Variants in FNDC3B observed in about 807,000 individuals in gnomAD.
FNDC3B encodes fibronectin type III domain-containing protein 3B.
In FNDC3B, 12 loss-of-function variants were observed where a neutral mutation model predicts 151.5. The ratio of observed to expected loss-of-function variants is 0.08; its 90% CI spans 0.05 to 0.13. The LOEUF is 0.13. Among genes scored for constraint, FNDC3B ranks in the 10% least tolerant of loss-of-function variants. FNDC3B has a pLI of 1.00. For synonymous variants in FNDC3B, 528 were observed against 549.0 expected (o/e 0.96, Z 0.54); for missense variants, 1,214 against 1,505.3 (o/e 0.81, Z 3.20).
intron 3 of FNDC3B, among the ~76,000 whole-genome samples, chr3:172,176,529 T>C (rs1222106318): frequency 1.3e-5 from 2 of 152,194 alleles, no homozygotes; most frequent in Non-Finnish European, 2.9e-5. Flanking sequence ...CTGCTACAAC[T>C]GCAGATTTCA....
At chr3:172,218,127 C>T (rs1726090496) in intron 3 of FNDC3B, among the ~76,000 whole-genome samples, 1 of 100,550 alleles carries the variant, frequency 9.9e-6, no homozygotes, top group South Asian at 3.7e-4. Context: ...AGAAGATCGA[C>T]TTTCAGGAAA....
chr3:172,379,739 G>T (rs939370857), intron 24 of FNDC3B, among the ~76,000 whole-genome samples: 1 of 152,072 alleles, frequency 6.6e-6, no homozygotes, highest in Non-Finnish European at 1.5e-5. Flanking sequence ...AAGGAAGGGT[G>T]GCCACATTGA....
chr3:172,105,074 A>G (rs539057986), intron 1 of FNDC3B, among the ~76,000 whole-genome samples: 2 of 152,226 alleles, frequency 1.3e-5, no homozygotes, highest in East Asian at 3.9e-4. Flanking sequence ...CCAACTGACT[A>G]CCTTGCTTTG....
At chr3:172,239,530 A>G (rs1359547024) in intron 4 of FNDC3B, among the ~76,000 whole-genome samples, 1 of 152,054 alleles carries the variant, frequency 6.6e-6, no homozygotes, top group Non-Finnish European at 1.5e-5. Flanking sequence ...CACACTACGT[A>G]TGTTTGTGGG....
chr3:172,169,207 C>A (rs930924718), intron 3 of FNDC3B, among the ~76,000 whole-genome samples: 21 of 152,134 alleles, frequency 1.4e-4, no homozygotes, highest in African/African-American at 5.1e-4. Context: ...GCTTTGAACC[C>A]TTGGAGGATG....
intron 3 of FNDC3B, among the ~76,000 whole-genome samples, chr3:172,167,082 G>A (rs532818243): frequency 6.6e-6 from 1 of 152,048 alleles, no homozygotes; most frequent in Admixed American, 6.5e-5. Context: ...CTTAAATATT[G>A]CGTTGTTTGT....
chr3:172,347,804 G>T (rs1168787503), intron 21 of FNDC3B, among the ~76,000 whole-genome samples: 2 of 152,184 alleles, frequency 1.3e-5, no homozygotes, highest in African/African-American at 4.8e-5. Context: ...GGACTAGTCT[G>T]CATTAGATTA....
chr3:172,319,325 C>G (rs1421218296), intron 11 of FNDC3B, among the ~76,000 whole-genome samples: 1 of 152,140 alleles, frequency 6.6e-6, no homozygotes, highest in Non-Finnish European at 1.5e-5. Context: ...CTCCCCCTTC[C>G]CTGAGACAGT....
At chr3:172,376,212 T>A (rs1735132732) in intron 23 of FNDC3B, among the ~76,000 whole-genome samples, 1 of 152,256 alleles carries the variant, frequency 6.6e-6, no homozygotes, top group African/African-American at 2.4e-5. Flanking sequence ...GATGTATTTT[T>A]AAATTGATAT....
chr3:172,332,176 G>A (rs1022202464), intron 13 of FNDC3B, among the ~76,000 whole-genome samples: 1 of 151,964 alleles, frequency 6.6e-6, no homozygotes, highest in African/African-American at 2.4e-5. Flanking sequence ...CTCCATGTTG[G>A]TCAGGCTGGT....
At chr3:172,337,234 T>C (rs1733028025) in intron 15 of FNDC3B, 96 bp from the exon 16 acceptor site, 2 of 721,876 alleles carry the variant, frequency 2.8e-6, no homozygotes, top group Non-Finnish European at 4.6e-6. Context: ...AGAATTCAGA[T>C]AGTATAATGG....
chr3:172,201,320 C>A (rs1452568566), intron 3 of FNDC3B, among the ~76,000 whole-genome samples: 1 of 152,154 alleles, frequency 6.6e-6, no homozygotes, highest in African/African-American at 2.4e-5. Context: ...TCTCCAGACC[C>A]TGGAGTGTCT....
chr3:172,105,202 G>T (rs1279861559), intron 1 of FNDC3B, among the ~76,000 whole-genome samples: 1 of 152,112 alleles, frequency 6.6e-6, no homozygotes, highest in East Asian at 1.9e-4. Flanking sequence ...GCCACCCGGG[G>T]TGTATGGGGG....
At chr3:172,063,481 G>A (rs1199312846) in intron 1 of FNDC3B, among the ~76,000 whole-genome samples, 1 of 152,204 alleles carries the variant, frequency 6.6e-6, no homozygotes, top group Non-Finnish European at 1.5e-5. Flanking sequence ...ACTGAGGACA[G>A]TGTCCTCCTC....
At chr3:172,366,740 A>C (rs144187624) in intron 23 of FNDC3B, among the ~76,000 whole-genome samples, 4 of 152,330 alleles carry the variant, frequency 2.6e-5, no homozygotes, top group East Asian at 1.9e-4. Flanking sequence ...GTAGGCTTAA[A>C]ATCAAATGAA....
At chr3:172,195,652 A>T (rs900424299) in intron 3 of FNDC3B, among the ~76,000 whole-genome samples, 1 of 152,150 alleles carries the variant, frequency 6.6e-6, no homozygotes, top group Non-Finnish European at 1.5e-5. Flanking sequence ...TCTGTTCTTG[A>T]CTATTGTTTA....
intron 3 of FNDC3B, among the ~76,000 whole-genome samples, chr3:172,192,469 G>C (rs1297605434): frequency 6.6e-6 from 1 of 152,072 alleles, no homozygotes; most frequent in Non-Finnish European, 1.5e-5. Flanking sequence ...ACAGGTGTGA[G>C]CCACCGCGCC....
intron 22 of FNDC3B, among the ~76,000 whole-genome samples, chr3:172,356,597 T>C (rs981033156): frequency 7.2e-5 from 11 of 152,230 alleles, no homozygotes; most frequent in African/African-American, 2.6e-4. Context: ...AATGGTGGCA[T>C]TGGTGTCAAA....
At chr3:172,332,755 A>T (rs970229315) in intron 13 of FNDC3B, among the ~76,000 whole-genome samples, 1 of 152,228 alleles carries the variant, frequency 6.6e-6, no homozygotes, top group Non-Finnish European at 1.5e-5. Context: ...AGCACATTGC[A>T]GTTTGATAGT....
Sources: gnomAD v4.1 joint callset for allele counts (sites outside exome capture counted in the v4.1 genomes callset) on GRCh38, gnomAD v4.1.1 for gene constraint, MANE v1.5 for transcripts, NCBI Gene and HGNC (gene_info 2026-07-23, HGNC 2026-07-21) for gene names.